ASTN2: variants seen among roughly 807,000 people sequenced by gnomAD.
The protein encoded by ASTN2 is astrotactin-2.
Under a neutral mutation model 139.8 loss-of-function variants are expected in ASTN2, and 54 were observed. The ratio of observed to expected loss-of-function variants is 0.39; its 90% CI spans 0.31 to 0.48. The LOEUF (loss-of-function observed/expected upper bound fraction) is 0.48. ASTN2 is among the 20% of genes least tolerant of loss of function. ASTN2 has a pLI of 0.95. For missense variants in ASTN2, 1,565 were observed against 1,725.1 expected, an observed-to-expected ratio of 0.91 and a Z score of 1.64; for synonymous variants, 756 against 719.5, an observed-to-expected ratio of 1.05 and a Z score of -0.81.
At chr9:116,720,446 C>CA (rs1828439827) in intron 16 of ASTN2, among the ~76,000 whole-genome samples, 1 of 152,124 alleles carries the variant, frequency 6.6e-6, no homozygotes, top group Non-Finnish European at 1.5e-5. Context: ...ATGTTAATTG[C>CA]ATAGCATTCT....
chr9:116,455,040 T>TAA (rs75035433), intron 20 of ASTN2, among the ~76,000 whole-genome samples: 2 of 137,392 alleles, frequency 1.5e-5, no homozygotes, highest in Admixed American at 1.5e-4. Flanking sequence ...AGTATAATAA[T>TAA]AAAAAAAAAA....
chr9:116,792,460 G>A (rs1014357533), intron 13 of ASTN2, among the ~76,000 whole-genome samples: 1 of 152,150 alleles, frequency 6.6e-6, no homozygotes, highest in Non-Finnish European at 1.5e-5. Flanking sequence ...GGCACATAGA[G>A]GAGGCTCTAA....
intron 6 of ASTN2, among the ~76,000 whole-genome samples, chr9:117,014,995 C>G (rs1013310549): frequency 2.0e-5 from 3 of 152,134 alleles, no homozygotes. Context: ...TTACCTCTAT[C>G]TTATTTCTTT....
intron 2 of ASTN2, among the ~76,000 whole-genome samples, chr9:117,241,574 T>C (rs1833207695): frequency 6.6e-6 from 1 of 152,156 alleles, no homozygotes; most frequent in East Asian, 1.9e-4. Flanking sequence ...CTAGATCCCT[T>C]GAATGTGCAG....
chr9:116,727,555 A>C (rs189024005), intron 15 of ASTN2, among the ~76,000 whole-genome samples: 1 of 152,186 alleles, frequency 6.6e-6, no homozygotes, highest in Admixed American at 6.5e-5. Flanking sequence ...GGGCTCAAAG[A>C]ATGGGTGTTT....
chr9:116,824,092 T>C (rs568044332), intron 11 of ASTN2, among the ~76,000 whole-genome samples: 1 of 152,324 alleles, frequency 6.6e-6, no homozygotes, highest in Non-Finnish European at 1.5e-5. Context: ...ATTTAGTGTA[T>C]CTGTGTATTA....
chr9:116,523,691 T>C (rs1587934639), intron 19 of ASTN2, among the ~76,000 whole-genome samples: 4 of 152,180 alleles, frequency 2.6e-5, no homozygotes, highest in Admixed American at 2.6e-4. Flanking sequence ...GAAGAGGCTC[T>C]GAGGGGATGG....
intron 12 of ASTN2, 50 bp from the exon 13 acceptor site, chr9:116,805,870 C>T: frequency 6.3e-7 from 1 of 1,577,478 alleles, no homozygotes; most frequent in Non-Finnish European, 8.6e-7. Flanking sequence ...TGAATGCCCC[C>T]ATTGGGGGTG....
intron 13 of ASTN2, among the ~76,000 whole-genome samples, chr9:116,777,125 A>G (rs1352021690): frequency 1.3e-5 from 2 of 152,086 alleles, no homozygotes; most frequent in Non-Finnish European, 2.9e-5. Flanking sequence ...TGGACAATGG[A>G]GCCAATAGGT....
intron 20 of ASTN2, among the ~76,000 whole-genome samples, chr9:116,471,836 C>T (rs1848823230): frequency 6.6e-6 from 1 of 152,134 alleles, no homozygotes; most frequent in South Asian, 2.1e-4. Flanking sequence ...TCAAAGGCTA[C>T]CCAGCTAAGA....
At chr9:116,501,826 C>A (rs568190586) in intron 19 of ASTN2, among the ~76,000 whole-genome samples, 1 of 151,560 alleles carries the variant, frequency 6.6e-6, no homozygotes, top group Non-Finnish European at 1.5e-5. Flanking sequence ...ACATTGTGCA[C>A]GCGTACCCTA....
chr9:117,032,199 G>A (rs1455294153), intron 6 of ASTN2, among the ~76,000 whole-genome samples: 1 of 152,132 alleles, frequency 6.6e-6, no homozygotes, highest in Non-Finnish European at 1.5e-5. Context: ...GTTTTCTAGA[G>A]GAGGGAGCAA....
At chr9:116,857,759 A>G (rs777661981) in intron 11 of ASTN2, among the ~76,000 whole-genome samples, 1 of 152,186 alleles carries the variant, frequency 6.6e-6, no homozygotes, top group Non-Finnish European at 1.5e-5. Context: ...AAATGGGTAG[A>G]TTAAAGATGA....
chr9:117,016,819 A>C (rs1837728081), intron 6 of ASTN2, among the ~76,000 whole-genome samples: 1 of 144,972 alleles, frequency 6.9e-6, no homozygotes, highest in Admixed American at 7.0e-5. Flanking sequence ...TGTTTTATAT[A>C]TATATATATG....
In ASTN2 at chr9:116,440,484, A is replaced by T. The variant is rs1037658844; in HGVS notation, c.3782+125T>A. The stretch of plus-strand genomic sequence containing the variant: ...ATTTTCTATCTTTAGCCTTGACACG[A>T]CCAAGGTGATAATCACCCTTATTTA... On this transcript the variant is annotated intron_variant, in intron 22 of 22. Transcript: ENST00000313400. 66 of 890,258 alleles carry T rather than the reference A, an allele frequency of 7.4e-5. No individual in the cohort carries two copies. In the African/African-American group the frequency reaches 1.1e-3, roughly 15 times the overall value. 55.1% of individuals were successfully genotyped at this position (890,258 alleles called of 1,614,324 possible). A position where few individuals can be genotyped will look rare whatever the true frequency, so the allele number is the denominator to read the frequency against.
At chr9:117,339,407 G>A (rs186776859) in intron 1 of ASTN2, among the ~76,000 whole-genome samples, 1 of 152,028 alleles carries the variant, frequency 6.6e-6, no homozygotes, top group South Asian at 2.1e-4. Flanking sequence ...ACTTTAAAAG[G>A]TCTGCTGAGA....
At chr9:116,986,670 C>T (rs1397190466) in intron 7 of ASTN2, among the ~76,000 whole-genome samples, 1 of 152,190 alleles carries the variant, frequency 6.6e-6, no homozygotes, top group African/African-American at 2.4e-5. Context: ...GGCTCTATTA[C>T]TAACCCCATC....
Position 117,007,703 on chromosome 9 carries a change from T to C in ASTN2, c.1591+389A>G, listed in dbSNP as rs189310212. ...GATTTCCACACAGCTTCTCATTCAATCCTAATGACAGTTTTGTGGGTTGGT... is the reference window on the plus strand; with the variant it reads ...GATTTCCACACAGCTTCTCATTCAACCCTAATGACAGTTTTGTGGGTTGGT... On this transcript the variant is annotated intron_variant, in intron 7 of 22. Coordinates refer to ENST00000313400, the MANE Select transcript of ASTN2 (RefSeq NM_001365068.1). Among the ~76,000 whole-genome samples the C allele has an allele frequency of 2.5e-4, 38 of 152,360 alleles. No individual in the cohort carries two copies. The East Asian group carries it at 6.4e-3, about 26-fold the overall frequency.
At chr9:117,106,656 T>A (rs909200768) in intron 4 of ASTN2, among the ~76,000 whole-genome samples, 1 of 152,210 alleles carries the variant, frequency 6.6e-6, no homozygotes. Flanking sequence ...ATTTTATTAC[T>A]CCCAACTGAC....
Sources: gnomAD v4.1 joint callset for allele counts (sites outside exome capture counted in the v4.1 genomes callset) on GRCh38, gnomAD v4.1.1 for gene constraint, MANE v1.5 for transcripts, NCBI Gene and HGNC (gene_info 2026-07-23, HGNC 2026-07-21) for gene names.